The following IQSEC1 variants were observed in gnomAD, a reference collection of about 807,000 sequenced individuals.
IQSEC1 encodes the protein IQ motif and Sec7 domain ArfGEF 1, also known as IQ motif and SEC7 domain-containing protein 1.
A neutral mutation model predicts 91.0 loss-of-function variants in IQSEC1; 31 were observed. The ratio of observed to expected loss-of-function variants is 0.34; its 90% CI spans 0.26 to 0.46. The LOEUF (loss-of-function observed/expected upper bound fraction) is 0.46, where lower values mean the gene tolerates loss of function less well. IQSEC1 is among the 20% of genes least tolerant of loss of function. The probability of loss-of-function intolerance (pLI) is 1.00; values close to 1 mark genes in which losing one functional copy is unlikely to be tolerated. For synonymous variants in IQSEC1, 699 were observed against 662.6 expected, an observed-to-expected ratio of 1.05 and a Z score of -0.84; for missense variants, 1,388 against 1,575.6, an observed-to-expected ratio of 0.88 and a Z score of 2.02.
At chr3:13,044,438 G>C (rs980851651) in intron 1 of IQSEC1, among the ~76,000 whole-genome samples, 1 of 152,248 alleles carries the variant, frequency 6.6e-6, no homozygotes, top group African/African-American at 2.4e-5. Context: ...GTCCTGGATG[G>C]CTGGAAAGGG....
chr3:13,088,094 T>C (rs1705767402), intron 2 of IQSEC1, among the ~76,000 whole-genome samples: 1 of 152,058 alleles, frequency 6.6e-6, no homozygotes, highest in Non-Finnish European at 1.5e-5. Flanking sequence ...GTTTCTCTTC[T>C]CTGGTGCCTG....
chr3:12,901,607 T>C, intron 13 of IQSEC1, 85 bp from the exon 14 acceptor site: 3 of 1,150,528 alleles, frequency 2.6e-6, no homozygotes, highest in South Asian at 3.0e-5. Context: ...AATGTAAAAA[T>C]TCACCCACTG....
chr3:12,954,228 TCTCA>T (rs1173238331), intron 1 of IQSEC1, among the ~76,000 whole-genome samples: 19 of 152,168 alleles, frequency 1.2e-4, no homozygotes, highest in African/African-American at 4.1e-4. Context: ...TGAGACCCTC[TCTCA>T]CTCAAAGAGC....
chr3:13,254,802 G>A (rs1576312096), intron 1 of IQSEC1, among the ~76,000 whole-genome samples: 1 of 152,170 alleles, frequency 6.6e-6, no homozygotes. Flanking sequence ...ATCCTGGACG[G>A]CCCTGCCTGT....
intron 1 of IQSEC1, among the ~76,000 whole-genome samples, chr3:13,242,720 A>G (rs1008760799): frequency 5.9e-5 from 9 of 152,184 alleles, no homozygotes; most frequent in African/African-American, 2.2e-4. Context: ...CTGCTTCAAT[A>G]AAGTGGCTCA....
intron 1 of IQSEC1, among the ~76,000 whole-genome samples, chr3:13,267,778 C>T (rs1234656311): frequency 3.3e-5 from 5 of 151,996 alleles, no homozygotes; most frequent in Non-Finnish European, 5.9e-5. Context: ...CCACCTCACC[C>T]GGCTAATTTT....
At chr3:12,954,531 GAGGGATTTGC>G (rs982074119) in intron 1 of IQSEC1, among the ~76,000 whole-genome samples, 6 of 152,196 alleles carry the variant, frequency 3.9e-5, no homozygotes, top group African/African-American at 1.4e-4. Flanking sequence ...GGAAGGAAAA[GAGGGATTTGC>G]AGGGACCATC....
intron 1 of IQSEC1, among the ~76,000 whole-genome samples, chr3:12,991,570 G>A (rs1701992686): frequency 6.6e-6 from 1 of 152,154 alleles, no homozygotes; most frequent in Non-Finnish European, 1.5e-5. Flanking sequence ...GAGTGATGAG[G>A]GCTCTGGTCA....
At chr3:12,981,759 C>G (rs913542351) in intron 1 of IQSEC1, among the ~76,000 whole-genome samples, 1 of 152,184 alleles carries the variant, frequency 6.6e-6, no homozygotes, top group Non-Finnish European at 1.5e-5. Context: ...GAAGAGCTAG[C>G]TGTGGAGGAC....
chr3:12,913,977 T>C (rs187823630), intron 8 of IQSEC1, among the ~76,000 whole-genome samples: 1 of 152,136 alleles, frequency 6.6e-6, no homozygotes, highest in Non-Finnish European at 1.5e-5. Flanking sequence ...ACAGAGAGAA[T>C]CTGCTCTAGA....
chr3:13,083,916 G>A (rs1705692512), intron 2 of IQSEC1, among the ~76,000 whole-genome samples: 1 of 152,252 alleles, frequency 6.6e-6, no homozygotes, highest in Admixed American at 6.5e-5. Flanking sequence ...CCAGAGTCCT[G>A]CCCTGGAGGA....
intron 5 of IQSEC1, 137 bp downstream of exon 5, chr3:12,921,983 C>T (rs943683468): frequency 2.7e-6 from 3 of 1,096,112 alleles, no homozygotes; most frequent in East Asian, 5.7e-5. Context: ...AGTACGATCA[C>T]CCCCAAAGCA....
rs182928473 is a variant in IQSEC1 at position 13,158,478 on chromosome 3, C to G, written c.302+5626G>C. Among the ~76,000 whole-genome samples the G allele has an allele frequency of 6.0e-4, 92 of 152,314 alleles. 1 individual carries two copies. In the Middle Eastern group the frequency reaches 0.017, roughly 28 times the overall value. ...TGTTTGGACTAATTACGTTTACTCA[C>G]ACATCTTGGTTCCAGCTGAGTCAAT... On this transcript the variant is annotated intron_variant, in intron 2 of 15. Coordinates refer to the IQSEC1 transcript ENST00000648114.
At chr3:13,255,946 G>A (rs1289270521) in intron 1 of IQSEC1, among the ~76,000 whole-genome samples, 3 of 152,162 alleles carry the variant, frequency 2.0e-5, no homozygotes, top group Non-Finnish European at 4.4e-5. Context: ...GTCACAACTG[G>A]GGAACTGGGG....
At chr3:12,949,112 G>A (rs1699371053) in intron 1 of IQSEC1, among the ~76,000 whole-genome samples, 1 of 152,246 alleles carries the variant, frequency 6.6e-6, no homozygotes, top group South Asian at 2.1e-4. Flanking sequence ...GGATGGAAGA[G>A]TTGAGTCACC....
At chr3:13,231,164 T>C (rs1291486201) in intron 1 of IQSEC1, among the ~76,000 whole-genome samples, 3 of 152,254 alleles carry the variant, frequency 2.0e-5, no homozygotes, top group Non-Finnish European at 4.4e-5. Context: ...TGTTTGGACA[T>C]GTTACAAGTT....
At chr3:13,075,255 G>A (rs1705545489), upstream of IQSEC1, among the ~76,000 whole-genome samples, 1 of 152,132 alleles carries the variant, frequency 6.6e-6, no homozygotes, top group Non-Finnish European at 1.5e-5. Context: ...GTTGTTTCAT[G>A]GTCTCAGTGA....
At chr3:13,165,578 G>GTGTGTGTGTGTGTGTGTGTC (rs1377649445) in intron 1 of IQSEC1, among the ~76,000 whole-genome samples, 6 of 105,760 alleles carry the variant, frequency 5.7e-5, no homozygotes, top group Non-Finnish European at 1.1e-4. Context: ...GTGTGTGTGT[G>GTGTGTGTGTGTGTGTGTGTC]TGTCTGTCTG....
intron 2 of IQSEC1, among the ~76,000 whole-genome samples, chr3:13,130,392 T>C (rs1250117797): frequency 1.3e-5 from 2 of 152,070 alleles, no homozygotes; most frequent in African/African-American, 4.8e-5. Flanking sequence ...ATTGTTTATT[T>C]TCCAAATATT....
Sources: allele counts gnomAD v4.1 joint callset (sites outside exome capture counted in the v4.1 genomes callset), GRCh38; gene constraint gnomAD v4.1.1; transcripts MANE v1.5; gene names NCBI Gene and HGNC (gene_info 2026-07-23, HGNC 2026-07-21).